The following SCARA3 variants were observed in gnomAD, a reference collection of about 807,000 sequenced individuals.
SCARA3 encodes cellular stress response gene protein.
SCARA3 carries 39 observed loss-of-function variants against 47.0 expected under a neutral mutation model. The observed-to-expected ratio is 0.83, with a 90% CI of 0.64 to 1.08. The LOEUF (loss-of-function observed/expected upper bound fraction) is 1.08. Ranked by LOEUF, SCARA3 falls within the 50% of genes least tolerant of loss-of-function variation. The pLI is 0.00. For synonymous variants in SCARA3, 356 were observed against 334.1 expected, an observed-to-expected ratio of 1.07 and a Z score of -0.71; for missense variants, 724 against 792.3, an observed-to-expected ratio of 0.91 and a Z score of 1.04.
At chr8:27,700,267 C>A in the SCARA3 span, among the ~76,000 whole-genome samples, 1 of 151,924 alleles carries the variant, frequency 6.6e-6, no homozygotes, top group South Asian at 2.1e-4. Context: ...ATATATGAGA[C>A]AAAGGACTTG....
intron 4 of SCARA3, among the ~76,000 whole-genome samples, chr8:27,657,640 G>A (rs569473271): frequency 3.9e-4 from 57 of 145,610 alleles, no homozygotes; most frequent in African/African-American, 1.3e-3. Context: ...TCCTGGGTTC[G>A]TGCCATTCTC....
At chr8:27,658,113 T>G (rs1370500470) in intron 4 of SCARA3, among the ~76,000 whole-genome samples, 3 of 152,188 alleles carry the variant, frequency 2.0e-5, no homozygotes, top group African/African-American at 7.2e-5. Flanking sequence ...TCCTCTTGAT[T>G]GTATTGAATG....
chr8:27,714,805 A>G, the SCARA3 span, among the ~76,000 whole-genome samples: 2 of 152,338 alleles, frequency 1.3e-5, no homozygotes, highest in Admixed American at 1.3e-4. Flanking sequence ...GGAATTGAAA[A>G]TAAAAAACAG....
chr8:27,658,080 C>G (rs1163348900), intron 4 of SCARA3, among the ~76,000 whole-genome samples: 1 of 152,144 alleles, frequency 6.6e-6, no homozygotes, highest in African/African-American at 2.4e-5. Context: ...GGCTATTTAC[C>G]AAGCCACTTC....
At chr8:27,642,063 G>A (rs547903041) in intron 1 of SCARA3, among the ~76,000 whole-genome samples, 1 of 152,218 alleles carries the variant, frequency 6.6e-6, no homozygotes, top group East Asian at 1.9e-4. Context: ...ATTTTTTTTG[G>A]CAGGACTTTT....
At chr8:27,668,401 G>A (rs1019054357) in intron 5 of SCARA3, among the ~76,000 whole-genome samples, 3 of 151,058 alleles carry the variant, frequency 2.0e-5, no homozygotes, top group Admixed American at 1.3e-4. Flanking sequence ...TTAGCCGGGC[G>A]CGGTGGCGGG....
downstream of SCARA3, chr8:27,676,673 G>A: frequency 2.3e-6 from 2 of 872,076 alleles, no homozygotes; most frequent in South Asian, 2.8e-5. Context: ...TATCCTTAAT[G>A]GTAAGCATCA....
Position 27,659,392 on chromosome 8 carries a change from G to GGCACC in SCARA3, c.1223_1227dup (p.Thr410AlafsTer26), listed in dbSNP as rs1404427365. ...GAACAAGTCTGTCTCCATCATGCTGGGCACCACAGACCTGCTCCGGGAGCG... is the reference window on the plus strand; with the variant it reads ...GAACAAGTCTGTCTCCATCATGCTGGGCACCGCACCACAGACCTGCTCCGGGAGCG... On this transcript the variant is annotated frameshift_variant, in exon 5 of 6. Coordinates refer to ENST00000301904, the MANE Select transcript of SCARA3 (RefSeq NM_016240.3). LOFTEE classifies it high-confidence loss of function. 1.2e-6 allele frequency: 2 copies of GGCACC among 1,613,854 alleles called. No individual in the cohort carries two copies. Among genetic ancestry groups the GGCACC allele is most frequent in the Admixed American group, 3.3e-5 (2 of 59,978 alleles).
At position 27,633,994 on chromosome 8, in the gene SCARA3, C is replaced by G. The variant is rs1171122233; in HGVS notation, c.-207C>G. On this transcript the variant is annotated 5_prime_UTR_variant, in exon 1 of 6. Transcript: ENST00000301904. The stretch of plus-strand genomic sequence containing the variant: ...GGCGCTAGGCGCCCGGCGGGGCTTC[C>G]CCAGGCTGCGACCCCGCGGGACCCT... The G allele has an allele frequency of 3.5e-6, 1 of 285,746 alleles. No individual in the cohort carries two copies. Among genetic ancestry groups the G allele is most frequent in the African/African-American group, 2.2e-5 (1 of 44,516 alleles). The allele number at this position is 285,746 out of a possible 1,614,324, so 17.7% of individuals were successfully genotyped here.
chr8:27,671,722 A>C lies in SCARA3; in HGVS notation c.*371A>C. 9.6e-7 allele frequency: 1 copy of C among 1,038,408 alleles called. No individual in the cohort carries two copies. Among genetic ancestry groups the C allele is most frequent in the Non-Finnish European group, 1.2e-6 (1 of 864,248 alleles). 64.3% of individuals were successfully genotyped at this position (1,038,408 alleles called of 1,614,324 possible). On this transcript the variant is annotated 3_prime_UTR_variant, in exon 6 of 6. Coordinates refer to ENST00000301904, the MANE Select transcript of SCARA3 (RefSeq NM_016240.3). ...GGCACACATGCATGCACACATACACATGCACACACACATGCACACATATAT... is the reference window on the plus strand; with the variant it reads ...GGCACACATGCATGCACACATACACCTGCACACACACATGCACACATATAT...
chr8:27,701,258 C>A, the SCARA3 span: 1 of 152,040 alleles, frequency 6.6e-6, no homozygotes, highest in Non-Finnish European at 1.5e-5. Flanking sequence ...TAAGTGGTTA[C>A]CTGGGATGGG....
chr8:27,701,233 G>A, the SCARA3 span: 38 of 152,192 alleles, frequency 2.5e-4, no homozygotes, highest in African/African-American at 9.2e-4. Context: ...TGAATCTATA[G>A]TTACAGAAAT....
chr8:27,690,796 A>G, the SCARA3 span, among the ~76,000 whole-genome samples: 4 of 152,120 alleles, frequency 2.6e-5, no homozygotes, highest in Non-Finnish European at 5.9e-5. Flanking sequence ...CCTGGGCTCA[A>G]GGGATCCTCC....
chr8:27,715,853 G>GATAGATAGATAGATAGATAC, the SCARA3 span, among the ~76,000 whole-genome samples: 8 of 142,092 alleles, frequency 5.6e-5, no homozygotes, highest in Non-Finnish European at 9.3e-5. The surrounding 1 kb of genome is among the most constrained non-coding windows in gnomAD (Gnocchi z 4.2). Flanking sequence ...TAGATAGATA[G>GATAGATAGATAGATAGATAC]ATAGATAGAT....
intron 1 of SCARA3, among the ~76,000 whole-genome samples, chr8:27,644,136 G>C (rs1044882784): frequency 1.3e-5 from 2 of 152,182 alleles, no homozygotes; most frequent in Non-Finnish European, 2.9e-5. Context: ...GATGGATATT[G>C]TGACCTAAGG....
At chr8:27,717,335 A>C in the SCARA3 span, among the ~76,000 whole-genome samples, 1 of 143,716 alleles carries the variant, frequency 7.0e-6, no homozygotes, top group Non-Finnish European at 1.5e-5. Context: ...TGCTGATATC[A>C]ATAAACATGA....
In SCARA3 at chr8:27,654,527, G is replaced by A. The variant is rs568905616; in HGVS notation, c.227-2255G>A. ...TAACCCCAACACCTTGGGAGGCCAA[G>A]GTGGAAGGATCACTTGAGCTCAGGA... On this transcript the variant is annotated intron_variant, in intron 3 of 5. Coordinates refer to ENST00000301904, the MANE Select transcript of SCARA3 (RefSeq NM_016240.3). Among the ~76,000 whole-genome samples, 31 of 152,242 alleles carry A rather than the reference G, an allele frequency of 2.0e-4. No individual in the cohort carries two copies. The South Asian group carries it at 6.4e-3, about 32-fold the overall frequency.
the SCARA3 span, among the ~76,000 whole-genome samples, chr8:27,693,422 G>A: frequency 6.6e-6 from 1 of 152,172 alleles, no homozygotes; most frequent in Non-Finnish European, 1.5e-5. Flanking sequence ...TCATAAGTCA[G>A]GGAACTACAT....
intron 3 of SCARA3, among the ~76,000 whole-genome samples, chr8:27,652,816 T>C (rs1188783277): frequency 6.6e-6 from 1 of 152,186 alleles, no homozygotes; most frequent in African/African-American, 2.4e-5. Flanking sequence ...GGAAAGCATT[T>C]AAAAATACTA....
Sources: gnomAD v4.1 joint callset for allele counts (sites outside exome capture counted in the v4.1 genomes callset) on GRCh38, gnomAD v4.1.1 for gene constraint, Gnocchi (gnomAD v3.1) non-coding constraint, MANE v1.5 for transcripts, NCBI Gene and HGNC (gene_info 2026-07-23, HGNC 2026-07-21) for gene names.